Variants in CCDC60 observed in about 807,000 individuals in gnomAD.
CCDC60 encodes the protein coiled-coil domain containing 60, also known as coiled-coil domain-containing protein 60.
In CCDC60, 54 loss-of-function variants were observed where a neutral mutation model predicts 63.5. The observed-to-expected ratio is 0.85, with a 90% CI of 0.68 to 1.07. The LOEUF (loss-of-function observed/expected upper bound fraction) is 1.07, where lower values mean the gene tolerates loss of function less well. CCDC60 is among the 50% of genes least tolerant of loss of function. The pLI, the probability that CCDC60 is intolerant of heterozygous loss-of-function variation, is 0.00. For synonymous variants in CCDC60, 206 were observed against 238.8 expected, an observed-to-expected ratio of 0.86 and a Z score of 1.27; for missense variants, 651 against 684.3, an observed-to-expected ratio of 0.95 and a Z score of 0.54.
At chr12:119,376,075 T>G (rs755122526) in intron 1 of CCDC60, among the ~76,000 whole-genome samples, 1 of 152,194 alleles carries the variant, frequency 6.6e-6, no homozygotes, top group Non-Finnish European at 1.5e-5. Context: ...CCCACGCCCA[T>G]CTGGATTTGT....
At chr12:119,538,288 C>T (rs982241425) in intron 13 of CCDC60, among the ~76,000 whole-genome samples, 1 of 152,216 alleles carries the variant, frequency 6.6e-6, no homozygotes, top group Non-Finnish European at 1.5e-5. Flanking sequence ...AGTATTTGGG[C>T]AGAAGTGTCC....
chr12:119,378,993 G>T (rs1280532148), intron 1 of CCDC60, among the ~76,000 whole-genome samples: 1 of 152,210 alleles, frequency 6.6e-6, no homozygotes, highest in Non-Finnish European at 1.5e-5. Context: ...AAGAGGGCAA[G>T]GTCATCAGAC....
chr12:119,449,890 A>C (rs1006118007), intron 2 of CCDC60, among the ~76,000 whole-genome samples: 7 of 152,208 alleles, frequency 4.6e-5, no homozygotes, highest in African/African-American at 1.7e-4. Flanking sequence ...AAGAACTAAA[A>C]ATAGATCTAC....
chr12:119,443,191 A>G (rs1271578125), intron 2 of CCDC60, among the ~76,000 whole-genome samples: 1 of 152,214 alleles, frequency 6.6e-6, no homozygotes, highest in Non-Finnish European at 1.5e-5. Flanking sequence ...CAGCAACTTC[A>G]TTAATGATTG....
intron 1 of CCDC60, among the ~76,000 whole-genome samples, chr12:119,373,714 T>A (rs1404304121): frequency 1.3e-5 from 2 of 149,684 alleles, no homozygotes; most frequent in Non-Finnish European, 3.0e-5. Flanking sequence ...ATGGGGGGCG[T>A]CCCCCTTCAT....
chr12:119,417,297 A>G (rs12829570), intron 1 of CCDC60, among the ~76,000 whole-genome samples: 11,631 of 152,224 alleles, frequency 0.076, 569 homozygotes, highest in Middle Eastern at 0.12. Flanking sequence ...AAAATCCCCC[A>G]CAACAAATAG....
intron 1 of CCDC60, among the ~76,000 whole-genome samples, chr12:119,426,857 C>T (rs1001706398): frequency 1.3e-5 from 2 of 152,224 alleles, no homozygotes; most frequent in African/African-American, 4.8e-5. Flanking sequence ...AACTCTTCCA[C>T]AAGCATCATT....
At chr12:119,496,582 T>C (rs1363805911) in intron 5 of CCDC60, among the ~76,000 whole-genome samples, 1 of 152,236 alleles carries the variant, frequency 6.6e-6, no homozygotes, top group African/African-American at 2.4e-5. Flanking sequence ...TTGTTGTTAA[T>C]AGCTGAACTG....
At chr12:119,417,821 C>T (rs1248472309) in intron 1 of CCDC60, among the ~76,000 whole-genome samples, 1 of 152,144 alleles carries the variant, frequency 6.6e-6, no homozygotes, top group African/African-American at 2.4e-5. Flanking sequence ...CCTTTGTTTC[C>T]CAACTTCATC....
chr12:119,480,569 T>C (rs1371221508), intron 4 of CCDC60, among the ~76,000 whole-genome samples: 1 of 151,908 alleles, frequency 6.6e-6, no homozygotes, highest in Admixed American at 6.6e-5. Context: ...AACACCATCA[T>C]CATCATCACC....
intron 2 of CCDC60, among the ~76,000 whole-genome samples, chr12:119,440,249 G>T (rs947988859): frequency 3.9e-5 from 6 of 152,064 alleles, no homozygotes; most frequent in Admixed American, 3.3e-4. Flanking sequence ...AATAAAATCC[G>T]ACCGGGCACG....
At chr12:119,474,104 T>C (rs142979943) in intron 3 of CCDC60, among the ~76,000 whole-genome samples, 56 of 152,308 alleles carry the variant, frequency 3.7e-4, no homozygotes, top group African/African-American at 1.2e-3. Flanking sequence ...TCAACATCGC[T>C]AATTATCAGG....
chr12:119,422,024 C>T (rs1478031625), intron 1 of CCDC60, among the ~76,000 whole-genome samples: 1 of 152,174 alleles, frequency 6.6e-6, no homozygotes, highest in Non-Finnish European at 1.5e-5. Flanking sequence ...GTACATTACA[C>T]GACATCACAT....
intron 7 of CCDC60, among the ~76,000 whole-genome samples, chr12:119,515,622 C>T (rs1391990237): frequency 6.6e-6 from 1 of 152,088 alleles, no homozygotes; most frequent in African/African-American, 2.4e-5. Flanking sequence ...AGCCACTGCA[C>T]CCAGCCAAAA....
chr12:119,537,686 G>T (rs1467640152), intron 13 of CCDC60, among the ~76,000 whole-genome samples: 32 of 151,720 alleles, frequency 2.1e-4, no homozygotes, highest in Admixed American at 2.0e-3. Context: ...CTGCAGGTCT[G>T]TTGGAGTTTG....
chr12:119,496,422 A>C (rs1256556771), intron 5 of CCDC60, among the ~76,000 whole-genome samples: 1 of 152,180 alleles, frequency 6.6e-6, no homozygotes, highest in Non-Finnish European at 1.5e-5. Context: ...ATTTCTGGCA[A>C]ATAGGATCCC....
intron 7 of CCDC60, among the ~76,000 whole-genome samples, chr12:119,507,569 T>TATACAC (rs1952059730): frequency 1.7e-5 from 1 of 57,560 alleles, no homozygotes; most frequent in African/African-American, 9.3e-5. Context: ...TATATATATA[T>TATACAC]GTATATATAC....
At chr12:119,471,953 C>G in intron 2 of CCDC60, 41 bp from the exon 3 acceptor site, 1 of 1,570,088 alleles carries the variant, frequency 6.4e-7, no homozygotes, top group Non-Finnish European at 8.7e-7. Context: ...CACCCTCCCA[C>G]CTTCCTCCCT....
intron 12 of CCDC60, among the ~76,000 whole-genome samples, chr12:119,528,964 C>T (rs1013623445): frequency 1.3e-5 from 2 of 152,060 alleles, no homozygotes; most frequent in African/African-American, 2.4e-5. Context: ...GATAATCCAA[C>T]CCATTGCGTT....
Sources: gnomAD v4.1 joint callset for allele counts (sites outside exome capture counted in the v4.1 genomes callset) on GRCh38, gnomAD v4.1.1 for gene constraint, MANE v1.5 for transcripts, NCBI Gene and HGNC (gene_info 2026-07-23, HGNC 2026-07-21) for gene names.